STXBP6: variants seen among roughly 807,000 people sequenced by gnomAD.
STXBP6 encodes syntaxin-binding protein 6.
STXBP6 carries 21 observed loss-of-function variants against 26.9 expected under a neutral mutation model. The ratio of observed to expected loss-of-function variants is 0.78; its 90% CI spans 0.55 to 1.12. STXBP6 has a LOEUF of 1.12. Ranked by LOEUF, STXBP6 falls within the 50% of genes most tolerant of loss-of-function variation. STXBP6 has a pLI of 0.00. For missense variants in STXBP6, 232 were observed against 257.9 expected, an observed-to-expected ratio of 0.90 and a Z score of 0.69; for synonymous variants, 97 against 92.6, an observed-to-expected ratio of 1.05 and a Z score of -0.27.
chr14:25,035,942 G>C (rs943650674), intron 1 of STXBP6, among the ~76,000 whole-genome samples: 1 of 152,126 alleles, frequency 6.6e-6, no homozygotes, highest in African/African-American at 2.4e-5. Context: ...TGTGGGCTGG[G>C]CACGGTGGCT....
chr14:24,822,821 T>G (rs1304399832), intron 4 of STXBP6, among the ~76,000 whole-genome samples: 1 of 152,196 alleles, frequency 6.6e-6, no homozygotes, highest in Non-Finnish European at 1.5e-5. Context: ...TACATACCTT[T>G]GTATATCCTG....
chr14:24,870,059 G>A (rs1216853710), intron 2 of STXBP6, among the ~76,000 whole-genome samples: 1 of 152,162 alleles, frequency 6.6e-6, no homozygotes, highest in Non-Finnish European at 1.5e-5. Context: ...AGTATGGTTT[G>A]TGTCAGGCAG....
chr14:24,891,710 A>T (rs1473579444), intron 2 of STXBP6, among the ~76,000 whole-genome samples: 1 of 152,168 alleles, frequency 6.6e-6, no homozygotes, highest in African/African-American at 2.4e-5. Context: ...TATTTAGGTA[A>T]AGCTTTGATT....
intron 2 of STXBP6, among the ~76,000 whole-genome samples, chr14:24,870,739 G>A (rs1036647697): frequency 6.6e-6 from 1 of 152,164 alleles, no homozygotes; most frequent in African/African-American, 2.4e-5. Flanking sequence ...AATTGTCCTG[G>A]TTCACTTAGT....
chr14:24,997,455 T>A (rs2074633920), intron 1 of STXBP6, among the ~76,000 whole-genome samples: 1 of 152,200 alleles, frequency 6.6e-6, no homozygotes, highest in African/African-American at 2.4e-5. Flanking sequence ...GAATCCTTAT[T>A]CCTACTGAAT....
rs562353001 is a variant in STXBP6, at chr14:24,854,825, A to G, written c.451+1111T>C. Among the ~76,000 whole-genome samples the G allele has an allele frequency of 7.2e-5, 11 of 152,196 alleles. No individual in the cohort carries two copies. The South Asian group carries it at 2.3e-3, about 32-fold the overall frequency. On this transcript the variant is annotated intron_variant, in intron 4 of 5. Transcript: ENST00000323944. The stretch of plus-strand genomic sequence containing the variant: ...CCTTTCCTTTAAACATCTATGTCTA[A>G]TATTTTTCACTTTTGTACCATAGGA...
chr14:24,964,070 G>A (rs1462766813), intron 2 of STXBP6, among the ~76,000 whole-genome samples: 1 of 151,744 alleles, frequency 6.6e-6, no homozygotes, highest in Non-Finnish European at 1.5e-5. Context: ...CCAGAGTTCA[G>A]GCAGTCTCAG....
chr14:24,902,373 G>C (rs909481504), intron 2 of STXBP6, among the ~76,000 whole-genome samples: 5 of 152,168 alleles, frequency 3.3e-5, no homozygotes, highest in African/African-American at 1.2e-4. Context: ...GCTGGATATA[G>C]AGTGTATATG....
At chr14:24,966,875 T>G (rs573061594) in intron 2 of STXBP6, among the ~76,000 whole-genome samples, 1 of 152,314 alleles carries the variant, frequency 6.6e-6, no homozygotes, top group African/African-American at 2.4e-5. Context: ...CCCCAGTTGT[T>G]GGTATACAGG....
chr14:24,916,229 T>C (rs796515824), intron 2 of STXBP6, among the ~76,000 whole-genome samples: 2 of 152,246 alleles, frequency 1.3e-5, no homozygotes, highest in Admixed American at 6.5e-5. Context: ...AGAATGTAAC[T>C]GGGCTTAAAG....
At chr14:25,033,302 C>T (rs978387538) in intron 1 of STXBP6, among the ~76,000 whole-genome samples, 3 of 152,186 alleles carry the variant, frequency 2.0e-5, no homozygotes, top group South Asian at 2.1e-4. Context: ...CCACCCGGTT[C>T]GCTCCATCTT....
intron 3 of STXBP6, 122 bp from the exon 4 acceptor site, chr14:24,856,223 TC>T (rs1290905597): frequency 2.0e-6 from 2 of 991,688 alleles, no homozygotes; most frequent in Admixed American, 3.4e-5. Context: ...ATAAGGCTCA[TC>T]TTTATCCAAG....
intron 1 of STXBP6, among the ~76,000 whole-genome samples, chr14:24,979,514 C>T (rs914539160): frequency 3.9e-5 from 6 of 152,194 alleles, no homozygotes; most frequent in African/African-American, 1.4e-4. Flanking sequence ...AAATAAGATT[C>T]TCTAAAATTA....
chr14:24,887,253 T>C (rs2070624552), intron 2 of STXBP6, among the ~76,000 whole-genome samples: 1 of 152,202 alleles, frequency 6.6e-6, no homozygotes, highest in African/African-American at 2.4e-5. Context: ...CCTTATTTTT[T>C]TTCCTGAAAA....
chr14:25,014,743 A>G (rs1411262321), intron 1 of STXBP6, among the ~76,000 whole-genome samples: 1 of 152,280 alleles, frequency 6.6e-6, no homozygotes, highest in East Asian at 1.9e-4. Context: ...AGCAGAGAAC[A>G]AAACTGTATT....
chr14:24,984,567 G>C (rs2074286155), intron 1 of STXBP6, among the ~76,000 whole-genome samples: 1 of 152,122 alleles, frequency 6.6e-6, no homozygotes, highest in Non-Finnish European at 1.5e-5. Context: ...TCTGGCCAAG[G>C]ACTGTAATTC....
chr14:24,954,024 C>T (rs2073259707), intron 2 of STXBP6, among the ~76,000 whole-genome samples: 1 of 152,138 alleles, frequency 6.6e-6, no homozygotes, highest in African/African-American at 2.4e-5. Context: ...AAGAAGAGGA[C>T]AGGGATTTGG....
intron 1 of STXBP6, among the ~76,000 whole-genome samples, chr14:25,024,790 C>T (rs1260103993): frequency 6.6e-6 from 1 of 152,046 alleles, no homozygotes; most frequent in Admixed American, 6.5e-5. Flanking sequence ...CAGTAGAGGG[C>T]AGGTTGGGAC....
intron 2 of STXBP6, among the ~76,000 whole-genome samples, chr14:24,881,850 C>A (rs1327512607): frequency 6.6e-6 from 1 of 152,112 alleles, no homozygotes; most frequent in Admixed American, 6.6e-5. Context: ...TTGGCTGGAG[C>A]GAAGATGTGC....
Sources: gnomAD v4.1 joint callset for allele counts (sites outside exome capture counted in the v4.1 genomes callset) on GRCh38, gnomAD v4.1.1 for gene constraint, MANE v1.5 for transcripts, NCBI Gene and HGNC (gene_info 2026-07-23, HGNC 2026-07-21) for gene names.